FGFR3: variants seen among roughly 807,000 people sequenced by gnomAD.
The protein encoded by FGFR3 is FGFR-3.
A neutral mutation model predicts 82.9 loss-of-function variants in FGFR3; 25 were observed. That is an observed-to-expected ratio of 0.30 (90% CI 0.22 to 0.42). The LOEUF (loss-of-function observed/expected upper bound fraction) is 0.42, where lower values mean the gene tolerates loss of function less well. Ranked by LOEUF, FGFR3 falls within the 10% of genes least tolerant of loss-of-function variation. FGFR3 has a pLI of 1.00. For missense variants in FGFR3, 1,026 were observed against 1,161.0 expected (o/e 0.88, Z 1.69); for synonymous variants, 620 against 516.0 (o/e 1.20, Z -2.73).
chr4:1,803,069 C>T (rs772663294), intron 7 of FGFR3: 140 of 1,577,244 alleles, frequency 8.9e-5, no homozygotes, highest in Middle Eastern at 1.7e-4. Context: ...GAGCAGGTAA[C>T]GACTCTGTCC....
chr4:1,804,989 A>C lies in FGFR3; in HGVS notation c.1412+20A>C, dbSNP rs1721703259. ...GGCCCGGTCAGTGGTGCTGAGGGCC[A>C]GCGTTGGCTGTAGGGGGCTTGGTGG... On this transcript the variant is annotated intron_variant, in intron 10 of 17. Transcript: ENST00000440486. 2 of 1,539,478 alleles carry C rather than the reference A, an allele frequency of 1.3e-6. No homozygotes were observed. The highest frequency in any genetic ancestry group is 1.8e-6 in the Non-Finnish European group (2 of 1,139,566).
At position 1,801,451 on chromosome 4, in the gene FGFR3, C is replaced by T; in HGVS notation, c.530C>T (p.Pro177Leu). 1 of 1,553,126 alleles carries T rather than the reference C, an allele frequency of 6.4e-7. No individual in the cohort carries two copies. The highest frequency in any genetic ancestry group is 1.4e-5 in the African/African-American group (1 of 73,366). The change falls in exon 5 of 18, where the codon CCA (proline) becomes CTA (leucine). Residue 177 changes from proline (P) to leucine (L), a missense_variant. Coordinates refer to ENST00000440486, the MANE Select transcript of FGFR3 (RefSeq NM_000142.5). Reference protein sequence around the residue: ...PAANTVRFRCPAAGNPTPSIS... With the variant: ...PAANTVRFRCLAAGNPTPSIS... ...GCCAACACCGTCCGCTTCCGCTGCC[C>T]AGCCGCTGGCAACCCCACTCCCTCC...
chr4:1,806,977 C>T lies in FGFR3; in HGVS notation c.2274+43C>T, dbSNP rs957508670. 5 of 1,569,830 alleles carry T rather than the reference C, an allele frequency of 3.2e-6. No individual in the cohort carries two copies. In the African/African-American group the frequency reaches 6.8e-5, roughly 21 times the overall value. ...CCTGGTGCCACCCGCCTATGCCCCT[C>T]CCCCTGCCGTCCCCGGCCATCCTGC... On this transcript the variant is annotated intron_variant, in intron 17 of 17. Transcript: ENST00000440486.
rs1721269618 is a variant in FGFR3, at chr4:1,802,103, G to GCCAA, written c.930+79_930+80insCAAC. 4 of 1,490,618 alleles carry GCCAA rather than the reference G, an allele frequency of 2.7e-6. No individual in the cohort carries two copies. In the African/African-American group the frequency reaches 4.2e-5, roughly 16 times the overall value. The allele number at this position is 1,490,618 out of a possible 1,614,324, so 92.3% of individuals were successfully genotyped here. On this transcript the variant is annotated intron_variant, in intron 7 of 17. Coordinates refer to ENST00000440486, the MANE Select transcript of FGFR3 (RefSeq NM_000142.5). Reference sequence around the variant, plus strand: ...CAAGGGTGCCCCTTGGCTGCGGGTTGCGTGAGGATTTGGGTCTAGGGGTTG... The same window carrying GCCAA: ...CAAGGGTGCCCCTTGGCTGCGGGTTGCCAACGTGAGGATTTGGGTCTAGGGGTTG...
chr4:1,805,305 TGA>T (rs776592543), intron 10 of FGFR3, 48 bp from the exon 11 acceptor site: 99 of 1,604,100 alleles, frequency 6.2e-5, no homozygotes, highest in Non-Finnish European at 3.7e-5. Flanking sequence ...CGTGGTGGGC[TGA>T]GAGTGGGCGA....
Position 1,804,390 on chromosome 4 carries a change from A to G in FGFR3, c.1136A>G (p.Tyr379Cys), listed in dbSNP as rs1661074229. 3 of 1,613,072 alleles carry G rather than the reference A, an allele frequency of 1.9e-6. No individual in the cohort carries two copies. The highest frequency in any genetic ancestry group is 2.5e-6 in the Non-Finnish European group (3 of 1,179,688). Reference sequence around the variant, plus strand: ...AGTGTGTATGCAGGCATCCTCAGCTACGGGGTGGGCTTCTTCCTGTTCATC... The same window carrying G: ...AGTGTGTATGCAGGCATCCTCAGCTGCGGGGTGGGCTTCTTCCTGTTCATC... ...AGSVYAGILS[Y>C]GVGFFLFILV... Residue 379 changes from tyrosine (Y) to cysteine (C), a missense_variant, in exon 9 of 18, where the codon TAC becomes TGC. Coordinates refer to ENST00000440486, the MANE Select transcript of FGFR3 (RefSeq NM_000142.5).
chr4:1,799,102 T>C, intron 2 of FGFR3, 152 bp from the exon 3 acceptor site: 1 of 1,086,452 alleles, frequency 9.2e-7, no homozygotes, highest in Non-Finnish European at 1.4e-6. Context: ...TTTGGCCCTT[T>C]TGGGACACAG....
rs1721242460 is a variant in FGFR3, at chr4:1,801,936, G to C, written c.841G>C (p.Ala281Pro). ...VEFHCKVYSD[A>P]QPHIQWLKHV... ...GTTCCACTGCAAGGTGTACAGTGAC[G>C]CACAGCCCCACATCCAGTGGCTCAA... The change falls in exon 7 of 18, where the codon GCA becomes CCA. Residue 281 changes from alanine (A) to proline (P), a missense_variant. By Grantham distance (27) the Ala-to-Pro change is conservative. Transcript: ENST00000440486. 2 of 1,612,730 alleles carry C rather than the reference G, an allele frequency of 1.2e-6. No individual in the cohort carries two copies. Among genetic ancestry groups the C allele is most frequent in the Non-Finnish European group, 1.7e-6 (2 of 1,179,856 alleles).
At chr4:1,805,032 C>G (rs1307927631) in intron 10 of FGFR3, 63 bp downstream of exon 10, 17 of 1,499,094 alleles carry the variant, frequency 1.1e-5, no homozygotes, top group Non-Finnish European at 1.5e-5. Context: ...GAAACAGCCA[C>G]CAGTCAGAGG....
At chr4:1,802,097 C>T (rs2305184) in intron 7 of FGFR3, 72 bp downstream of exon 7, 26 of 1,510,780 alleles carry the variant, frequency 1.7e-5, no homozygotes, top group East Asian at 1.2e-4. Flanking sequence ...CCCTTGGCTG[C>T]GGGTTGCGTG....
In FGFR3 at chr4:1,793,420, C is replaced by G. The variant is rs1323756910; in HGVS notation, c.-148C>G. ...GGAGCTGGGCCCGCGGACAGCGAGC[C>G]GGAGCGGGAGCCGCGCGTAGCGAGC... On this transcript the variant is annotated 5_prime_UTR_variant, in exon 1 of 18. Transcript: ENST00000440486. 6.7e-6 allele frequency: 1 copy of G among 149,124 alleles called. No homozygotes were observed. The highest frequency in any genetic ancestry group is 1.5e-5 in the Non-Finnish European group (1 of 66,822). The allele number at this position is 149,124 out of a possible 1,614,324, so 9.2% of individuals were successfully genotyped here. A position where few individuals can be genotyped will look rare whatever the true frequency, so the allele number is the denominator to read the frequency against.
At position 1,801,351 on chromosome 4, in the gene FGFR3, G is replaced by T; in HGVS notation, c.446-16G>T. The stretch of plus-strand genomic sequence containing the variant: ...CCCACTCGGGTCATGGCCTTCACAC[G>T]CACCTCGGCCCGCAGGGGCCCCTTA... On this transcript the variant is annotated splice_polypyrimidine_tract_variant and intron_variant, in intron 4 of 17. Coordinates refer to ENST00000440486, the MANE Select transcript of FGFR3 (RefSeq NM_000142.5). 3.9e-6 allele frequency: 6 copies of T among 1,548,684 alleles called. No homozygotes were observed. Among genetic ancestry groups the T allele is most frequent in the Non-Finnish European group, 5.2e-6 (6 of 1,149,178 alleles).
At position 1,808,222 on chromosome 4, in the gene FGFR3, T is replaced by A. The variant is rs1411450310; in HGVS notation, c.*960T>A. 1 of 232,752 alleles carries A rather than the reference T, an allele frequency of 4.3e-6. No individual in the cohort carries two copies. The highest frequency in any genetic ancestry group is 8.5e-6 in the Non-Finnish European group (1 of 117,774). 14.4% of individuals were successfully genotyped at this position (232,752 alleles called of 1,614,324 possible). A position where few individuals can be genotyped will look rare whatever the true frequency, so the allele number is the denominator to read the frequency against. On this transcript the variant is annotated 3_prime_UTR_variant, in exon 18 of 18. Transcript: ENST00000440486. ...TAACTTATTGACAACCGAGAAGGTTTATCCCGCCGATAGAGGGACGGCCAA... is the reference window on the plus strand; with the variant it reads ...TAACTTATTGACAACCGAGAAGGTTAATCCCGCCGATAGAGGGACGGCCAA...
rs774248059 is a variant in FGFR3, at chr4:1,799,817, G to T, written c.445+5G>T. The T allele has an allele frequency of 6.2e-7, 1 of 1,612,606 alleles. No individual in the cohort carries two copies. The highest frequency in any genetic ancestry group is 1.7e-5 in the Admixed American group (1 of 59,988). On this transcript the variant is annotated splice_donor_5th_base_variant and intron_variant, in intron 4 of 17. Transcript: ENST00000440486. Reference sequence around the variant, plus strand: ...AGGACACAGGTGTGGACACAGGTAGGAGCAGGGTCCAGGGTTCAGGCCAGC... The same window carrying T: ...AGGACACAGGTGTGGACACAGGTAGTAGCAGGGTCCAGGGTTCAGGCCAGC...
intron 8 of FGFR3, 108 bp downstream of exon 8, chr4:1,803,944 C>T (rs556862739): frequency 2.6e-5 from 33 of 1,261,810 alleles, no homozygotes; most frequent in Admixed American, 3.4e-5. Context: ...ACGGCCGTCC[C>T]GCTTCTTGAG....
intron 2 of FGFR3, among the ~76,000 whole-genome samples, chr4:1,795,400 C>T (rs1057165781): frequency 1.1e-4 from 17 of 151,830 alleles, no homozygotes; most frequent in South Asian, 2.1e-4. Context: ...GGGCCTCCCC[C>T]AGTCGCTCCT....
At chr4:1,799,160 CCTCA>C (rs1217216572) in intron 2 of FGFR3, 90 bp from the exon 3 acceptor site, 22 of 1,571,360 alleles carry the variant, frequency 1.4e-5, no homozygotes, top group Non-Finnish European at 1.7e-5. Flanking sequence ...TCAGAGCCTT[CCTCA>C]CTCAGGGCCG....
At position 1,805,542 on chromosome 4, in the gene FGFR3, C is replaced by T. The variant is rs1721785104; in HGVS notation, c.1535-17C>T. The T allele has an allele frequency of 6.2e-7, 1 of 1,612,772 alleles. No homozygotes were observed. ...GCGCCGCCGCCGCCTGACACAGGCCCCCCGCTCCGTGCACAGACGATGCCA... is the reference window on the plus strand; with the variant it reads ...GCGCCGCCGCCGCCTGACACAGGCCTCCCGCTCCGTGCACAGACGATGCCA... On this transcript the variant is annotated splice_polypyrimidine_tract_variant and intron_variant, in intron 11 of 17. Transcript: ENST00000440486.
In FGFR3 at chr4:1,808,111, G is replaced by A. The variant is rs1025277741; in HGVS notation, c.*849G>A. ...AAAACTGGACCTGTATATTTGTAAA[G>A]CTATTTATGGGCCCCTGGCACTCTT... is the stretch of plus-strand genomic sequence containing the variant. On this transcript the variant is annotated 3_prime_UTR_variant, in exon 18 of 18. Transcript: ENST00000440486. The A allele has an allele frequency of 4.3e-6, 1 of 232,760 alleles. No homozygotes were observed. The highest frequency in any genetic ancestry group is 2.2e-5 in the African/African-American group (1 of 45,290). The allele number at this position is 232,760 out of a possible 1,614,324, so 14.4% of individuals were successfully genotyped here. A position where few individuals can be genotyped will look rare whatever the true frequency, so the allele number is the denominator to read the frequency against.
Sources: gnomAD v4.1 joint callset for allele counts (sites outside exome capture counted in the v4.1 genomes callset) on GRCh38, gnomAD v4.1.1 for gene constraint, MANE v1.5 for transcripts, NCBI Gene and HGNC (gene_info 2026-07-23, HGNC 2026-07-21) for gene names.